NEBL: variants seen among roughly 807,000 people sequenced by gnomAD.
NEBL encodes LIM and SH3 protein 2.
Under a neutral mutation model 140.2 loss-of-function variants are expected in NEBL, and 122 were observed. That is an observed-to-expected ratio of 0.87 (90% confidence interval 0.75 to 1.01). The LOEUF is 1.01. NEBL is among the 50% of genes least tolerant of loss of function. The pLI is 0.00. For missense variants in NEBL, 1,365 were observed against 1,231.3 expected (o/e 1.11, Z -1.62); for synonymous variants, 436 against 398.9 (o/e 1.09, Z -1.11).
chr10:21,136,556 G>A (rs1839365619), intron 2 of NEBL, among the ~76,000 whole-genome samples: 1 of 152,144 alleles, frequency 6.6e-6, no homozygotes, highest in African/African-American at 2.4e-5. Context: ...CTCAGAGTCA[G>A]CAAAAGCAGG....
intron 7 of NEBL, among the ~76,000 whole-genome samples, chr10:20,865,040 G>C (rs1281255474): frequency 6.6e-6 from 1 of 152,142 alleles, no homozygotes; most frequent in Non-Finnish European, 1.5e-5. Flanking sequence ...GTCCAAGTAA[G>C]GATCACATGG....
In NEBL at chr10:20,815,749, T is replaced by C. The variant is rs766368230; in HGVS notation, c.2149-32A>G. Reference sequence around the variant, plus strand: ...TTTCAGAGAACAAAAAATAGAATACTATGAATCAATTCAACAAAGAGACTT... The same window carrying C: ...TTTCAGAGAACAAAAAATAGAATACCATGAATCAATTCAACAAAGAGACTT... On this transcript the variant is annotated intron_variant, in intron 21 of 27. Transcript: ENST00000377122. 3.6e-6 allele frequency: 5 copies of C among 1,379,026 alleles called. No individual in the cohort carries two copies. In the South Asian group the frequency reaches 5.8e-5, roughly 16 times the overall value. 85.4% of individuals were successfully genotyped at this position (1,379,026 alleles called of 1,614,324 possible).
chr10:21,094,587 C>A (rs10828186), intron 2 of NEBL, among the ~76,000 whole-genome samples: 21,198 of 147,932 alleles, frequency 0.14, 1,570 homozygotes, highest in African/African-American at 0.19. Flanking sequence ...GAGGCTGAAG[C>A]AAGGGAATCA....
intron 2 of NEBL, among the ~76,000 whole-genome samples, chr10:21,135,044 G>A (rs548465854): frequency 4.6e-4 from 70 of 152,236 alleles, no homozygotes; most frequent in South Asian, 1.2e-3. Context: ...CGTTTGTCCA[G>A]GTTCCAGTAC....
chr10:21,055,685 A>T (rs558732606), intron 2 of NEBL, among the ~76,000 whole-genome samples: 1 of 152,314 alleles, frequency 6.6e-6, no homozygotes, highest in South Asian at 2.1e-4. Context: ...AAAGTGTTGA[A>T]CATGTCTGGC....
chr10:20,885,089 C>CAAAAGTTAA (rs1476432857), intron 4 of NEBL, among the ~76,000 whole-genome samples: 1 of 152,142 alleles, frequency 6.6e-6, no homozygotes, highest in African/African-American at 2.4e-5. Context: ...AATAATTTGT[C>CAAAAGTTAA]AAAAGTTAAA....
At chr10:21,225,020 C>T (rs1385286424) in intron 3 of NEBL, among the ~76,000 whole-genome samples, 7 of 151,928 alleles carry the variant, frequency 4.6e-5, no homozygotes, top group African/African-American at 1.5e-4. Flanking sequence ...GTTGCTCTAG[C>T]TAGGACTCTA....
At chr10:21,061,066 C>T (rs1835252360) in intron 2 of NEBL, among the ~76,000 whole-genome samples, 1 of 151,832 alleles carries the variant, frequency 6.6e-6, no homozygotes, top group South Asian at 2.1e-4. Flanking sequence ...TTTAACCAAA[C>T]TAAATAGAGG....
At chr10:21,139,400 A>T (rs918145985) in intron 2 of NEBL, among the ~76,000 whole-genome samples, 1 of 152,166 alleles carries the variant, frequency 6.6e-6, no homozygotes. Flanking sequence ...ATCGGTTACA[A>T]TTTGGATGAG....
At chr10:20,823,791 T>C (rs558169649) in intron 18 of NEBL, among the ~76,000 whole-genome samples, 15 of 151,526 alleles carry the variant, frequency 9.9e-5, no homozygotes, top group African/African-American at 3.2e-4. Context: ...GAATTCCTTA[T>C]AGAATAAGGA....
intron 3 of NEBL, among the ~76,000 whole-genome samples, chr10:21,202,385 A>C (rs895539675): frequency 6.6e-6 from 1 of 152,070 alleles, no homozygotes. Context: ...CGTTCTAGAA[A>C]TACACATAAC....
intron 19 of NEBL, among the ~76,000 whole-genome samples, chr10:20,819,932 A>G (rs572576622): frequency 6.0e-4 from 92 of 152,180 alleles, no homozygotes; most frequent in African/African-American, 2.1e-3. Flanking sequence ...GTTTTCCTTC[A>G]GATTATATTA....
At chr10:21,220,136 C>T (rs1842046923) in intron 3 of NEBL, among the ~76,000 whole-genome samples, 1 of 152,164 alleles carries the variant, frequency 6.6e-6, no homozygotes, top group Admixed American at 6.5e-5. Flanking sequence ...TGGTCTCGAA[C>T]TCCTGACCTC....
intron 3 of NEBL, among the ~76,000 whole-genome samples, chr10:21,226,418 T>C (rs770550667): frequency 3.3e-5 from 5 of 152,108 alleles, no homozygotes; most frequent in Non-Finnish European, 7.4e-5. Flanking sequence ...CAAAGTCCAT[T>C]GGCTCTGAGC....
upstream of NEBL, among the ~76,000 whole-genome samples, chr10:21,177,808 G>A (rs1423021626): frequency 1.3e-5 from 2 of 152,282 alleles, no homozygotes; most frequent in Admixed American, 6.5e-5. Flanking sequence ...GATTACAGGC[G>A]TGAGCCACCG....
At chr10:20,963,074 T>C (rs1246258449) in intron 3 of NEBL, among the ~76,000 whole-genome samples, 1 of 151,816 alleles carries the variant, frequency 6.6e-6, no homozygotes, top group Non-Finnish European at 1.5e-5. Context: ...TCATCGCTTT[T>C]AGCTTAAGAA....
intron 2 of NEBL, among the ~76,000 whole-genome samples, chr10:21,124,816 C>T (rs1838743095): frequency 6.6e-6 from 1 of 152,150 alleles, no homozygotes; most frequent in South Asian, 2.1e-4. Flanking sequence ...TAAAAATTGG[C>T]CAGGCATGGT....
intron 3 of NEBL, among the ~76,000 whole-genome samples, chr10:21,247,069 G>C (rs1842526141): frequency 6.6e-6 from 1 of 151,998 alleles, no homozygotes; most frequent in Non-Finnish European, 1.5e-5. Context: ...TCTCTCCCCT[G>C]TTCCACCATG....
chr10:20,963,118 A>G (rs766740622), intron 3 of NEBL, among the ~76,000 whole-genome samples: 23 of 152,094 alleles, frequency 1.5e-4, no homozygotes, highest in Non-Finnish European at 2.6e-4. Context: ...TTCGATTTGT[A>G]AAAGCACTAA....
Sources: allele counts gnomAD v4.1 joint callset (sites outside exome capture counted in the v4.1 genomes callset), GRCh38; gene constraint gnomAD v4.1.1; transcripts MANE v1.5; gene names NCBI Gene and HGNC (gene_info 2026-07-23, HGNC 2026-07-21).